CCSER1: variants seen among roughly 807,000 people sequenced by gnomAD.
The protein encoded by CCSER1 is serine-rich coiled-coil domain-containing protein 1.
In CCSER1, 41 loss-of-function variants were observed where a neutral mutation model predicts 82.0. That is an observed-to-expected ratio of 0.50 (90% CI 0.39 to 0.65). CCSER1 has a LOEUF of 0.65. Ranked by LOEUF, CCSER1 falls within the 30% of genes least tolerant of loss-of-function variation. The probability of loss-of-function intolerance (pLI) is 0.00; values close to 1 mark genes in which losing one functional copy is unlikely to be tolerated. For synonymous variants in CCSER1, 414 were observed against 383.9 expected, an observed-to-expected ratio of 1.08 and a Z score of -0.92; for missense variants, 1,119 against 1,064.2, an observed-to-expected ratio of 1.05 and a Z score of -0.72.
At chr4:91,291,199 A>C (rs1414913781) in intron 10 of CCSER1, among the ~76,000 whole-genome samples, 2 of 151,844 alleles carry the variant, frequency 1.3e-5, no homozygotes, top group Non-Finnish European at 2.9e-5. Flanking sequence ...TAATAAGATC[A>C]CTGATAACAT....
intron 10 of CCSER1, among the ~76,000 whole-genome samples, chr4:91,460,869 T>A (rs1046381073): frequency 6.6e-6 from 1 of 152,060 alleles, no homozygotes; most frequent in Non-Finnish European, 1.5e-5. Context: ...GGGAGAAAAA[T>A]TTCTATTCCT....
chr4:91,594,863 C>T (rs1402512212), intron 10 of CCSER1, among the ~76,000 whole-genome samples: 1 of 151,956 alleles, frequency 6.6e-6, no homozygotes, highest in Non-Finnish European at 1.5e-5. Flanking sequence ...TCAAATTGTC[C>T]TATAATATAC....
At chr4:91,245,158 A>C (rs553356175) in intron 10 of CCSER1, among the ~76,000 whole-genome samples, 28 of 152,154 alleles carry the variant, frequency 1.8e-4, no homozygotes, top group Non-Finnish European at 3.8e-4. Context: ...AAATAGCCTC[A>C]AACAGGCAAA....
intron 6 of CCSER1, among the ~76,000 whole-genome samples, chr4:90,716,594 C>T (rs1741681044): frequency 6.6e-6 from 1 of 151,980 alleles, no homozygotes; most frequent in Non-Finnish European, 1.5e-5. Flanking sequence ...TTTACTATAA[C>T]TTTTCTATGT....
Position 90,456,111 on chromosome 4 carries a change from G to A in CCSER1, c.1604-12123G>A, listed in dbSNP as rs1018345365. Among the ~76,000 whole-genome samples, 4 of 152,134 alleles carry A rather than the reference G, an allele frequency of 2.6e-5. No individual in the cohort carries two copies. In the South Asian group the frequency reaches 6.2e-4, roughly 24 times the overall value. On this transcript the variant is annotated intron_variant, in intron 4 of 10. Coordinates refer to ENST00000509176, the MANE Select transcript of CCSER1 (RefSeq NM_001145065.2). ...AACAAGGGAAAGAAAGGGAGTCCTG[G>A]GAATTGGGGACCTGGCCTAACAAGA...
chr4:90,648,588 T>C (rs1030193891), intron 6 of CCSER1, among the ~76,000 whole-genome samples: 1 of 99,704 alleles, frequency 1.0e-5, no homozygotes, highest in African/African-American at 3.6e-5. Context: ...AGGGCCCTAA[T>C]TCAATATGAT....
In CCSER1 at chr4:90,368,494, A is replaced by C. The variant is rs543030955; in HGVS notation, c.1510-31542A>C. Among the ~76,000 whole-genome samples, 190 of 151,690 alleles carry C rather than the reference A, an allele frequency of 1.3e-3. 5 individuals are homozygous for C. The highest frequency in any genetic ancestry group is 1.4e-3 in the Non-Finnish European group (94 of 67,876). On this transcript the variant is annotated intron_variant, in intron 3 of 10. Coordinates refer to ENST00000509176, the MANE Select transcript of CCSER1 (RefSeq NM_001145065.2). Reference sequence around the variant, plus strand: ...CCACAAAAGAAAAAAATACCTGGGCATTGTGGTGTGCACCTGTAGTCTTAG... The same window carrying C: ...CCACAAAAGAAAAAAATACCTGGGCCTTGTGGTGTGCACCTGTAGTCTTAG...
At chr4:91,448,806 CA>C (rs1755714729) in intron 10 of CCSER1, among the ~76,000 whole-genome samples, 1 of 151,872 alleles carries the variant, frequency 6.6e-6, no homozygotes, top group Non-Finnish European at 1.5e-5. Flanking sequence ...GGTAATACAA[CA>C]GGGGAAAAAA....
At chr4:91,488,353 C>A (rs1242055482) in intron 10 of CCSER1, among the ~76,000 whole-genome samples, 1 of 152,130 alleles carries the variant, frequency 6.6e-6, no homozygotes, top group Non-Finnish European at 1.5e-5. Context: ...AATCCAACTA[C>A]CAAATAATGA....
intron 9 of CCSER1, among the ~76,000 whole-genome samples, chr4:91,074,654 A>G (rs1425980395): frequency 6.6e-6 from 1 of 152,212 alleles, no homozygotes; most frequent in East Asian, 1.9e-4. Context: ...ACTGACACTT[A>G]TAAATTAAGT....
At chr4:90,154,084 CT>C (rs1341039166) in intron 1 of CCSER1, among the ~76,000 whole-genome samples, 1 of 152,164 alleles carries the variant, frequency 6.6e-6, no homozygotes, top group Non-Finnish European at 1.5e-5. Context: ...CCAGTTTCAG[CT>C]TTCTACATAT....
intron 9 of CCSER1, among the ~76,000 whole-genome samples, chr4:91,060,969 A>G (rs1163173662): frequency 6.6e-6 from 1 of 152,060 alleles, no homozygotes; most frequent in Non-Finnish European, 1.5e-5. Flanking sequence ...TAAAATTGGT[A>G]ATTTTTAATT....
intron 8 of CCSER1, among the ~76,000 whole-genome samples, chr4:90,863,208 C>A (rs560743194): frequency 6.6e-6 from 1 of 151,746 alleles, no homozygotes; most frequent in East Asian, 1.9e-4. Context: ...TTTGTCCTTG[C>A]GATAGTTTCC....
intron 8 of CCSER1, among the ~76,000 whole-genome samples, chr4:90,842,820 T>A (rs928983085): frequency 1.3e-5 from 2 of 152,162 alleles, no homozygotes; most frequent in Non-Finnish European, 2.9e-5. Flanking sequence ...TTCTGGTTTG[T>A]CCAAGACAAT....
intron 10 of CCSER1, among the ~76,000 whole-genome samples, chr4:91,224,654 C>T (rs538527892): frequency 2.0e-5 from 3 of 152,060 alleles, no homozygotes; most frequent in Admixed American, 2.0e-4. Context: ...ATTAGGAAAC[C>T]TAAAGGGTCA....
intron 9 of CCSER1, among the ~76,000 whole-genome samples, chr4:91,075,549 C>T (rs1456919986): frequency 6.6e-6 from 1 of 152,050 alleles, no homozygotes; most frequent in Non-Finnish European, 1.5e-5. Flanking sequence ...CATATGCATA[C>T]ATATATATGA....
intron 7 of CCSER1, among the ~76,000 whole-genome samples, chr4:90,732,890 C>A (rs1013584765): frequency 6.6e-6 from 1 of 152,142 alleles, no homozygotes; most frequent in African/African-American, 2.4e-5. Context: ...GAATAGTGTT[C>A]ATTGTGTATA....
chr4:90,208,806 G>A (rs1212117555), intron 1 of CCSER1, among the ~76,000 whole-genome samples: 1 of 152,008 alleles, frequency 6.6e-6, no homozygotes, highest in Non-Finnish European at 1.5e-5. Context: ...GCCCTATCTT[G>A]CTTCAGCTCG....
chr4:90,230,949 A>G (rs992254934), intron 1 of CCSER1, among the ~76,000 whole-genome samples: 21 of 152,298 alleles, frequency 1.4e-4, no homozygotes, highest in African/African-American at 4.8e-4. Flanking sequence ...GAATAGACCA[A>G]TAACAGGATC....
Sources: gnomAD v4.1 joint callset for allele counts (sites outside exome capture counted in the v4.1 genomes callset) on GRCh38, gnomAD v4.1.1 for gene constraint, MANE v1.5 for transcripts, NCBI Gene and HGNC (gene_info 2026-07-23, HGNC 2026-07-21) for gene names.